The following AATK variants were observed in gnomAD, a reference collection of about 807,000 sequenced individuals.
The protein encoded by AATK is serine/threonine-protein kinase LMTK1.
A neutral mutation model predicts 114.3 loss-of-function variants in AATK; 91 were observed. The observed-to-expected ratio is 0.80, with a 90% CI of 0.67 to 0.95. The LOEUF is 0.95. Ranked by LOEUF, AATK falls within the 40% of genes least tolerant of loss-of-function variation. The pLI is 0.00. For missense variants in AATK, 2,176 were observed against 1,965.2 expected (o/e 1.11, Z -2.03); for synonymous variants, 1,075 against 916.5 (o/e 1.17, Z -3.12).
chr17:81,165,438 T>G (rs2061474726), intron 1 of AATK: 3 of 346,600 alleles, frequency 8.7e-6, no homozygotes, highest in Non-Finnish European at 1.7e-5. Context: ...CACTGGGCTC[T>G]GTAATGTGGA....
At chr17:81,132,626 C>G (rs557175924) in intron 2 of AATK, 46 of 270,798 alleles carry the variant, frequency 1.7e-4, no homozygotes, top group African/African-American at 9.8e-4. Context: ...CTGTCTCTCC[C>G]TGGGGTCGGG....
At chr17:81,144,022 G>A (rs1249499127) in intron 1 of AATK, among the ~76,000 whole-genome samples, 3 of 151,396 alleles carry the variant, frequency 2.0e-5, no homozygotes, top group Non-Finnish European at 4.4e-5. Flanking sequence ...TGCAGGGACG[G>A]GTGGCCAGGG....
chr17:81,144,014 C>A (rs973812331), intron 1 of AATK, among the ~76,000 whole-genome samples: 2 of 152,188 alleles, frequency 1.3e-5, no homozygotes, highest in Admixed American at 1.3e-4. Context: ...TGCCTTCCTG[C>A]AGGGACGGGT....
chr17:81,145,873 T>C (rs2146374977), intron 1 of AATK, among the ~76,000 whole-genome samples: 1 of 149,316 alleles, frequency 6.7e-6, no homozygotes, highest in South Asian at 2.1e-4. Flanking sequence ...CAGTAAAAAA[T>C]AACAAATACG....
chr17:81,154,209 T>A (rs954213160), intron 1 of AATK, among the ~76,000 whole-genome samples: 2 of 152,118 alleles, frequency 1.3e-5, no homozygotes, highest in African/African-American at 4.8e-5. Context: ...CATGTGGTAG[T>A]GAGAGGCAGC....
At chr17:81,163,895 T>G (rs58654216) in intron 1 of AATK, among the ~76,000 whole-genome samples, 1,823 of 152,340 alleles carry the variant, frequency 0.012, 33 homozygotes, top group African/African-American at 0.042. Flanking sequence ...TGTCAGGTGC[T>G]AGCACTGCCC....
chr17:81,137,704 CAT>C (rs2146344474), intron 1 of AATK, among the ~76,000 whole-genome samples: 1 of 152,224 alleles, frequency 6.6e-6, no homozygotes, highest in South Asian at 2.1e-4. Context: ...ATGAAACACA[CAT>C]GCACACACAC....
rs376411892 is a variant in AATK, at chr17:81,124,878, C to T, written c.841-30G>A. 50 of 1,581,558 alleles carry T rather than the reference C, an allele frequency of 3.2e-5. No individual in the cohort carries two copies. The East Asian group carries it at 5.1e-4, about 16-fold the overall frequency. ...TGGCACAGGGACGGGTCACCCCTGCCGGCGCAGGCCCTGCCCCTCATGCCC... is the reference window on the plus strand; with the variant it reads ...TGGCACAGGGACGGGTCACCCCTGCTGGCGCAGGCCCTGCCCCTCATGCCC... On this transcript the variant is annotated intron_variant, in intron 8 of 13. Coordinates refer to ENST00000326724, the MANE Select transcript of AATK (RefSeq NM_001080395.3).
chr17:81,118,822 G>T (rs1001828571), intron 13 of AATK, among the ~76,000 whole-genome samples: 1 of 152,232 alleles, frequency 6.6e-6, no homozygotes, highest in Non-Finnish European at 1.5e-5. Context: ...GGCCAGGACA[G>T]CTAGGGAAGA....
chr17:81,155,230 G>C (rs1308131155), intron 1 of AATK, among the ~76,000 whole-genome samples: 1 of 152,164 alleles, frequency 6.6e-6, no homozygotes, highest in South Asian at 2.1e-4. Flanking sequence ...CACGTGTGGC[G>C]GTGACCATCA....
At chr17:81,142,446 A>AT (rs2061152958) in intron 1 of AATK, among the ~76,000 whole-genome samples, 1 of 151,320 alleles carries the variant, frequency 6.6e-6, no homozygotes, top group African/African-American at 2.4e-5. Flanking sequence ...TAATTTTTAC[A>AT]TTTTTTTGTA....
intron 1 of AATK, among the ~76,000 whole-genome samples, chr17:81,147,562 C>T (rs1337654240): frequency 1.3e-5 from 2 of 152,094 alleles, no homozygotes; most frequent in African/African-American, 4.8e-5. Flanking sequence ...TGAGACTAGC[C>T]TGGCCAGCAT....
At chr17:81,136,541 A>C (rs1360000981) in intron 1 of AATK, among the ~76,000 whole-genome samples, 1 of 151,928 alleles carries the variant, frequency 6.6e-6, no homozygotes, top group Non-Finnish European at 1.5e-5. Context: ...CCCCAGCAGG[A>C]CGCCATCCCA....
intron 1 of AATK, among the ~76,000 whole-genome samples, chr17:81,144,927 C>T (rs2061193941): frequency 1.3e-5 from 2 of 152,348 alleles, no homozygotes; most frequent in Non-Finnish European, 2.9e-5. Flanking sequence ...GAGGATTCCA[C>T]ACTCCATGAA....
chr17:81,165,617 C>A, intron 1 of AATK: 1 of 1,438,726 alleles, frequency 7.0e-7, no homozygotes, highest in Non-Finnish European at 9.2e-7. Context: ...CCCCAAGGGC[C>A]CTTAGTCTGA....
At chr17:81,141,339 T>C (rs2146361043) in intron 1 of AATK, among the ~76,000 whole-genome samples, 1 of 152,258 alleles carries the variant, frequency 6.6e-6, no homozygotes. Context: ...TAATCCCAGC[T>C]ACCTGGGAGG....
intron 13 of AATK, 140 bp downstream of exon 13, chr17:81,119,240 A>AGGAGCGGGGCCGGGAAGGAGCGGAGC: frequency 8.6e-6 from 2 of 231,480 alleles, no homozygotes; most frequent in East Asian, 1.8e-4. Context: ...GGGGCCGGGA[A>AGGAGCGGGGCCGGGAAGGAGCGGAGC]GGAGCGGGGC....
chr17:81,145,394 G>A (rs980447017), intron 1 of AATK, among the ~76,000 whole-genome samples: 5 of 152,216 alleles, frequency 3.3e-5, no homozygotes, highest in Admixed American at 2.6e-4. Context: ...TAAAAGCAAT[G>A]GAAGGGATCG....
intron 1 of AATK, 138 bp downstream of exon 1, chr17:81,165,800 G>A: frequency 1.3e-6 from 2 of 1,500,886 alleles, no homozygotes; most frequent in South Asian, 2.5e-5. Context: ...CCGCCAGGGG[G>A]TCCGGCTGCT....
Sources: allele counts gnomAD v4.1 joint callset (sites outside exome capture counted in the v4.1 genomes callset), GRCh38; gene constraint gnomAD v4.1.1; transcripts MANE v1.5; gene names NCBI Gene and HGNC (gene_info 2026-07-23, HGNC 2026-07-21).